The following NELL1 variants were observed in gnomAD, a reference collection of about 807,000 sequenced individuals.
NELL1 encodes neural EGFL like 1, also known as protein kinase C-binding protein NELL1.
A neutral mutation model predicts 107.4 loss-of-function variants in NELL1; 76 were observed. The observed-to-expected ratio is 0.71, with a 90% confidence interval of 0.59 to 0.86. The LOEUF (loss-of-function observed/expected upper bound fraction) is 0.86, where lower values mean the gene tolerates loss of function less well. NELL1 is among the 40% of genes least tolerant of loss of function. The probability of loss-of-function intolerance (pLI) is 0.00; values close to 1 mark genes in which losing one functional copy is unlikely to be tolerated. For missense variants in NELL1, 1,024 were observed against 1,005.5 expected (o/e 1.02, Z -0.25); for synonymous variants, 353 against 341.2 (o/e 1.03, Z -0.38).
intron 2 of NELL1, among the ~76,000 whole-genome samples, chr11:20,741,815 G>T (rs1412833561): frequency 6.6e-6 from 1 of 152,208 alleles, no homozygotes; most frequent in East Asian, 1.9e-4. Context: ...GGGAACTGAT[G>T]AATACGTAAT....
intron 12 of NELL1, among the ~76,000 whole-genome samples, chr11:20,967,015 G>A (rs1384016064): frequency 6.6e-6 from 1 of 152,156 alleles, no homozygotes; most frequent in African/African-American, 2.4e-5. Flanking sequence ...GGTCAGGATG[G>A]AACTTCAAAT....
chr11:21,552,282 TATA>T (rs942431605), intron 16 of NELL1, among the ~76,000 whole-genome samples: 2 of 151,570 alleles, frequency 1.3e-5, no homozygotes, highest in South Asian at 2.1e-4. Context: ...AAACTTAAAG[TATA>T]ATAATAATAA....
intron 15 of NELL1, among the ~76,000 whole-genome samples, chr11:21,458,775 A>C (rs1033923297): frequency 8.5e-5 from 13 of 152,160 alleles, no homozygotes; most frequent in African/African-American, 3.1e-4. Flanking sequence ...GGTTAGTTTT[A>C]GGTGCAGTAT....
At chr11:21,175,843 G>T (rs1285879092) in intron 13 of NELL1, among the ~76,000 whole-genome samples, 1 of 151,840 alleles carries the variant, frequency 6.6e-6, no homozygotes, top group Non-Finnish European at 1.5e-5. Context: ...CAATGAAAAA[G>T]TTGAGGCTTT....
chr11:21,346,781 A>G (rs1415711343), intron 14 of NELL1, among the ~76,000 whole-genome samples: 2 of 151,856 alleles, frequency 1.3e-5, no homozygotes, highest in Non-Finnish European at 2.9e-5. Context: ...TGCCTATGCC[A>G]TGTTCACTGC....
intron 12 of NELL1, among the ~76,000 whole-genome samples, chr11:21,007,762 A>G (rs1852360895): frequency 6.6e-6 from 1 of 152,024 alleles, no homozygotes; most frequent in Non-Finnish European, 1.5e-5. Context: ...TTCTCAAAGA[A>G]CAATGATAAT....
At chr11:21,518,472 T>TA in intron 15 of NELL1, among the ~76,000 whole-genome samples, 1 of 152,250 alleles carries the variant, frequency 6.6e-6, no homozygotes, top group Non-Finnish European at 1.5e-5. Context: ...ATACTCAAAG[T>TA]AAAAAATGTG....
chr11:21,459,867 A>G (rs917011500), intron 15 of NELL1, among the ~76,000 whole-genome samples: 10 of 152,078 alleles, frequency 6.6e-5, no homozygotes, highest in African/African-American at 2.2e-4. Flanking sequence ...AAGATCTACA[A>G]TCAGCAAAGG....
At chr11:21,290,164 T>C (rs1396295903) in intron 14 of NELL1, among the ~76,000 whole-genome samples, 3 of 151,940 alleles carry the variant, frequency 2.0e-5, no homozygotes, top group African/African-American at 4.8e-5. Context: ...GGTCAGGAGA[T>C]CGAGACCATC....
intron 15 of NELL1, among the ~76,000 whole-genome samples, chr11:21,427,413 C>A (rs946024199): frequency 8.5e-5 from 13 of 152,158 alleles, no homozygotes; most frequent in Admixed American, 2.6e-4. Context: ...GAACAATAAT[C>A]CAGATTTTTT....
chr11:20,938,539 G>T (rs934140394), intron 10 of NELL1, among the ~76,000 whole-genome samples: 1 of 152,116 alleles, frequency 6.6e-6, no homozygotes, highest in African/African-American at 2.4e-5. Flanking sequence ...AGTTGGGGAT[G>T]GGTGGACTGA....
chr11:21,087,091 G>A (rs753445649), intron 12 of NELL1, among the ~76,000 whole-genome samples: 2 of 152,062 alleles, frequency 1.3e-5, no homozygotes, highest in Admixed American at 6.6e-5. Flanking sequence ...CGCACGCCTC[G>A]GCCGCCCAAA....
At chr11:21,266,011 G>T (rs1308392340) in intron 14 of NELL1, among the ~76,000 whole-genome samples, 1 of 151,868 alleles carries the variant, frequency 6.6e-6, no homozygotes, top group Non-Finnish European at 1.5e-5. Flanking sequence ...TTTTGCCTCT[G>T]TGTCAAAAAT....
chr11:21,065,971 C>G (rs1047200482), intron 12 of NELL1, among the ~76,000 whole-genome samples: 3 of 152,152 alleles, frequency 2.0e-5, no homozygotes, highest in Non-Finnish European at 2.9e-5. Flanking sequence ...CTACATGTTC[C>G]TAATTCAGTT....
At chr11:21,559,913 C>G (rs1462625116) in intron 16 of NELL1, among the ~76,000 whole-genome samples, 2 of 152,054 alleles carry the variant, frequency 1.3e-5, no homozygotes, top group Non-Finnish European at 2.9e-5. Flanking sequence ...AGATTTGGGT[C>G]TCAGATCAGC....
chr11:20,989,585 G>T (rs182483379), intron 12 of NELL1, among the ~76,000 whole-genome samples: 1 of 152,236 alleles, frequency 6.6e-6, no homozygotes, highest in African/African-American at 2.4e-5. Flanking sequence ...TCTGAAATTA[G>T]CTGGGGTATA....
chr11:21,554,806 T>C (rs1296627474), intron 16 of NELL1, among the ~76,000 whole-genome samples: 1 of 151,842 alleles, frequency 6.6e-6, no homozygotes, highest in Non-Finnish European at 1.5e-5. Flanking sequence ...ATTGCAGGGA[T>C]GGACTGGGAC....
chr11:20,805,630 G>A (rs1232510756), intron 3 of NELL1, among the ~76,000 whole-genome samples: 2 of 152,148 alleles, frequency 1.3e-5, no homozygotes, highest in African/African-American at 2.4e-5. Flanking sequence ...TGCCTCCCGA[G>A]CAGCTGGGAC....
chr11:20,956,507 A>C (rs572776503), intron 11 of NELL1, among the ~76,000 whole-genome samples: 1 of 151,838 alleles, frequency 6.6e-6, no homozygotes, highest in African/African-American at 2.4e-5. Context: ...TTAGCCGGGC[A>C]TGGTGGCGGG....
Sources: gnomAD v4.1 joint callset for allele counts (sites outside exome capture counted in the v4.1 genomes callset) on GRCh38, gnomAD v4.1.1 for gene constraint, MANE v1.5 for transcripts, NCBI Gene and HGNC (gene_info 2026-07-23, HGNC 2026-07-21) for gene names.